Variants in BCAR3 observed in about 807,000 individuals in gnomAD.
BCAR3 encodes breast cancer anti-estrogen resistance protein 3.
Under a neutral mutation model 80.1 loss-of-function variants are expected in BCAR3, and 37 were observed. The observed-to-expected ratio is 0.46, with a 90% CI of 0.36 to 0.61. The LOEUF is 0.61. Among genes scored for constraint, BCAR3 ranks in the 20% least tolerant of loss-of-function variants. BCAR3 has a pLI of 0.00. For missense variants in BCAR3, 978 were observed against 1,068.2 expected (o/e 0.92, Z 1.18); for synonymous variants, 389 against 418.9 (o/e 0.93, Z 0.87).
At chr1:93,774,879 A>C (rs1464102262) in intron 2 of BCAR3, among the ~76,000 whole-genome samples, 1 of 152,246 alleles carries the variant, frequency 6.6e-6, no homozygotes, top group Admixed American at 6.5e-5. Flanking sequence ...ATCTGGCAAG[A>C]GATGTCTTGT....
chr1:93,780,981 G>A (rs1652742390), intron 2 of BCAR3, among the ~76,000 whole-genome samples: 1 of 152,198 alleles, frequency 6.6e-6, no homozygotes, highest in African/African-American at 2.4e-5. Flanking sequence ...AAGTGGGGCT[G>A]GCTTGAACAA....
Position 93,798,188 on chromosome 1 carries a change from GC to G in BCAR3, c.-63+47378del, listed in dbSNP as rs1424755957. Among the ~76,000 whole-genome samples the G allele has an allele frequency of 5.9e-5, 9 of 152,284 alleles. No homozygotes were observed. The East Asian group carries it at 1.7e-3, about 29-fold the overall frequency. ...TATCCCAAAGGCAAAATAGGGATGTGCTTTCCTGTCACTGGGTCTATATTAT... is the reference window on the plus strand; with the variant it reads ...TATCCCAAAGGCAAAATAGGGATGTGTTTCCTGTCACTGGGTCTATATTAT... On this transcript the variant is annotated intron_variant, in intron 2 of 13. Coordinates refer to the BCAR3 transcript ENST00000370244.
intron 3 of BCAR3, among the ~76,000 whole-genome samples, chr1:93,604,251 C>T (rs543868797): frequency 7.2e-4 from 110 of 152,308 alleles, no homozygotes; most frequent in Middle Eastern, 3.4e-3. Context: ...AAGGGGCAAT[C>T]AGACCCTAGT....
chr1:93,785,781 C>G (rs1295388822), intron 2 of BCAR3, among the ~76,000 whole-genome samples: 3 of 152,164 alleles, frequency 2.0e-5, no homozygotes, highest in Admixed American at 6.5e-5. Context: ...AACCATGACA[C>G]TTTTTCTATC....
At chr1:93,646,147 T>A (rs1209990455) in intron 2 of BCAR3, among the ~76,000 whole-genome samples, 3 of 152,194 alleles carry the variant, frequency 2.0e-5, no homozygotes, top group Non-Finnish European at 4.4e-5. Flanking sequence ...AAAAGACTAG[T>A]CAAATGCTTT....
At chr1:93,770,502 T>G (rs1438534773) in intron 2 of BCAR3, among the ~76,000 whole-genome samples, 1 of 152,066 alleles carries the variant, frequency 6.6e-6, no homozygotes, top group African/African-American at 2.4e-5. Context: ...GAGGCAAACA[T>G]TTTTTTGTTG....
intron 3 of BCAR3, among the ~76,000 whole-genome samples, chr1:93,632,207 GC>G (rs1183932286): frequency 6.6e-6 from 1 of 152,172 alleles, no homozygotes; most frequent in Admixed American, 6.5e-5. Context: ...TTTGTTGAAA[GC>G]CTGTTATGCA....
chr1:93,646,705 C>T (rs959591802), intron 2 of BCAR3: 1 of 151,988 alleles, frequency 6.6e-6, no homozygotes, highest in Non-Finnish European at 1.5e-5. Context: ...AAACCCAGCC[C>T]AAGACAGAAT....
At chr1:93,644,430 A>C (rs1320617042) in intron 2 of BCAR3, among the ~76,000 whole-genome samples, 3 of 152,188 alleles carry the variant, frequency 2.0e-5, no homozygotes, top group Non-Finnish European at 4.4e-5. Context: ...AAATTCACCT[A>C]CAGCCTGGAA....
intron 3 of BCAR3, among the ~76,000 whole-genome samples, chr1:93,705,269 T>C (rs1409723663): frequency 3.3e-5 from 5 of 152,112 alleles, no homozygotes; most frequent in Admixed American, 1.3e-4. Flanking sequence ...ACTGCAGTAA[T>C]TGGTCCTCCC....
At chr1:93,733,543 G>A (rs974819857) in intron 2 of BCAR3, among the ~76,000 whole-genome samples, 1 of 152,206 alleles carries the variant, frequency 6.6e-6, no homozygotes, top group African/African-American at 2.4e-5. Context: ...GTGGTGAGGA[G>A]TGACAAAGCC....
chr1:93,589,241 T>TC lies in BCAR3; in HGVS notation c.664dup (p.Glu222GlyfsTer96). On this transcript the variant is annotated frameshift_variant, in exon 5 of 12. Coordinates refer to ENST00000260502, the MANE Select transcript of BCAR3 (RefSeq NM_003567.4). LOFTEE classifies it high-confidence loss of function. ...CAGGCCGGGGATGGAGTCGAAGCTC[T>TC]CCATCTCGAACTGGTACTGCACGCG... 4 of 1,614,160 alleles carry TC rather than the reference T, an allele frequency of 2.5e-6. No homozygotes were observed. Among genetic ancestry groups the TC allele is most frequent in the Non-Finnish European group, 3.4e-6 (4 of 1,180,022 alleles).
chr1:93,562,236 A>AG lies in BCAR3; in HGVS notation c.*4dup, dbSNP rs751600767. ...AAGATATTCTAAAGGTTCTCTGGAG[A>AG]GTTATCAAAGCTCTGCCTGCTTTAC... On this transcript the variant is annotated 3_prime_UTR_variant, in exon 12 of 12. Transcript: ENST00000260502. The AG allele has an allele frequency of 2.6e-5, 42 of 1,611,112 alleles. No homozygotes were observed. The Admixed American group carries it at 6.2e-4, about 24-fold the overall frequency.
chr1:93,571,863 GT>G, intron 8 of BCAR3, 22 bp from the exon 9 acceptor site: 1 of 1,606,850 alleles, frequency 6.2e-7, no homozygotes. Flanking sequence ...GAGATCAGCG[GT>G]CAGGTTCAGG....
intron 2 of BCAR3, among the ~76,000 whole-genome samples, chr1:93,766,611 G>A (rs748449481): frequency 1.3e-5 from 2 of 152,224 alleles, no homozygotes; most frequent in African/African-American, 4.8e-5. Context: ...GCCTGAGCAC[G>A]GCTGCCCGTC....
chr1:93,716,332 A>G (rs538232121), intron 2 of BCAR3, among the ~76,000 whole-genome samples: 4 of 152,358 alleles, frequency 2.6e-5, no homozygotes, highest in African/African-American at 9.6e-5. Context: ...CATACAGTTG[A>G]TGTCACAGCA....
At chr1:93,670,818 CAT>C (rs1648165802) in intron 2 of BCAR3, among the ~76,000 whole-genome samples, 1 of 151,980 alleles carries the variant, frequency 6.6e-6, no homozygotes, top group African/African-American at 2.4e-5. Context: ...GATAATTATT[CAT>C]GTTATAATTA....
chr1:93,816,670 CAAAAAA>C (rs60051218), intron 2 of BCAR3, among the ~76,000 whole-genome samples: 1 of 53,874 alleles, frequency 1.9e-5, no homozygotes, highest in Non-Finnish European at 3.4e-5. Flanking sequence ...GACTCCATCT[CAAAAAA>C]AAAAAAAAAA....
At chr1:93,683,502 A>G (rs1648871822), upstream of BCAR3, among the ~76,000 whole-genome samples, 1 of 152,226 alleles carries the variant, frequency 6.6e-6, no homozygotes, top group Admixed American at 6.5e-5. Context: ...ATGTTGAAAA[A>G]TGTTTATAAT....
Sources: allele counts gnomAD v4.1 joint callset (sites outside exome capture counted in the v4.1 genomes callset), GRCh38; gene constraint gnomAD v4.1.1; transcripts MANE v1.5; gene names NCBI Gene and HGNC (gene_info 2026-07-23, HGNC 2026-07-21).